The following ADRA1D variants were observed in gnomAD, a reference collection of about 807,000 sequenced individuals.
ADRA1D encodes alpha-1D adrenergic receptor.
In ADRA1D, 22 loss-of-function variants were observed where a neutral mutation model predicts 18.6. The ratio of observed to expected loss-of-function variants is 1.19; its 90% confidence interval spans 0.85 to 1.69. ADRA1D has a LOEUF of 1.69. Among genes scored for constraint, ADRA1D ranks in the 40% most tolerant of loss-of-function variants. The pLI is 0.00. For synonymous variants in ADRA1D, 376 were observed against 388.2 expected (o/e 0.97, Z 0.37); for missense variants, 840 against 840.7 (o/e 1.00, Z 0.01).
intron 1 of ADRA1D, among the ~76,000 whole-genome samples, chr20:4,224,085 T>G (rs552016959): frequency 8.5e-5 from 13 of 152,294 alleles, no homozygotes; most frequent in African/African-American, 2.9e-4. Context: ...GGGAATATCC[T>G]ATAGGATAAA....
chr20:4,223,144 C>T (rs1166838587), intron 1 of ADRA1D, among the ~76,000 whole-genome samples: 3 of 149,836 alleles, frequency 2.0e-5, no homozygotes, highest in Non-Finnish European at 4.4e-5. Flanking sequence ...GATAAAGGTA[C>T]AAAGATAATT....
chr20:4,226,287 C>T (rs1360768479), intron 1 of ADRA1D, among the ~76,000 whole-genome samples: 1 of 152,246 alleles, frequency 6.6e-6, no homozygotes, highest in Admixed American at 6.5e-5. Context: ...AGCCTTTCAG[C>T]CCCAAGGTTT....
chr20:4,243,821 G>A (rs1375040954), intron 1 of ADRA1D, among the ~76,000 whole-genome samples: 1 of 152,174 alleles, frequency 6.6e-6, no homozygotes, highest in East Asian at 1.9e-4. Flanking sequence ...GCGGTCTAAT[G>A]AGCTGGTTGA....
chr20:4,245,990 TG>T (rs1281129950), intron 1 of ADRA1D, among the ~76,000 whole-genome samples: 1 of 152,240 alleles, frequency 6.6e-6, no homozygotes, highest in African/African-American at 2.4e-5. Flanking sequence ...AGTTCCACGA[TG>T]GCCCTATAGA....
At chr20:4,238,700 G>T (rs1392436102) in intron 1 of ADRA1D, among the ~76,000 whole-genome samples, 2 of 152,182 alleles carry the variant, frequency 1.3e-5, no homozygotes. Context: ...TTTCAGAAAT[G>T]CTGTGAGCTC....
chr20:4,221,880 G>C lies in ADRA1D; in HGVS notation c.1362C>G (p.Gly454=). 1.4e-6 allele frequency: 2 copies of C among 1,472,884 alleles called. No individual in the cohort carries two copies. Among genetic ancestry groups the C allele is most frequent in the Non-Finnish European group, 1.8e-6 (2 of 1,120,026 alleles). The allele number at this position is 1,472,884 out of a possible 1,614,324, so 91.2% of individuals were successfully genotyped here. A position where few individuals can be genotyped will look rare whatever the true frequency, so the allele number is the denominator to read the frequency against. The part of the protein sequence containing the change: ...GLRQDCAPSS[G]DAPPGAPLAL... ...CCAGCGGCGCTCCGGGGGGCGCGTC[G>C]CCCGAACTCGGGGCGCAGTCCTGGC... The change falls in exon 2 of 2, where the codon GGC becomes GGG. Residue 454 remains glycine (G), a synonymous_variant. Transcript: ENST00000379453.
chr20:4,246,551 C>CCGTGA (rs1462695068), intron 1 of ADRA1D, among the ~76,000 whole-genome samples: 10 of 152,046 alleles, frequency 6.6e-5, no homozygotes, highest in South Asian at 2.1e-4. Context: ...AGCGGCAAGA[C>CCGTGA]CGTGACGGCA....
chr20:4,248,107 G>A lies in ADRA1D; in HGVS notation c.851C>T (p.Thr284Ile), dbSNP rs745898638. The stretch of plus-strand genomic sequence containing the variant: ...GACGCCCGCCTCGAGGCTGCGCGTG[G>A]TGCTGCGCGCGACCACGTACACGCG... ...YCRVYVVARSTTRSLEAGVKR... is the reference protein window; with the variant it reads ...YCRVYVVARSITRSLEAGVKR... Residue 284 changes from threonine to isoleucine, a missense_variant, in exon 1 of 2, where the codon ACC becomes ATC. Thr to Ile is a moderately conservative substitution (Grantham distance 89). Transcript: ENST00000379453. 4 of 1,558,878 alleles carry A rather than the reference G, an allele frequency of 2.6e-6. No homozygotes were observed. The highest frequency in any genetic ancestry group is 1.2e-5 in the South Asian group (1 of 84,964).
At position 4,247,983 on chromosome 20, in the gene ADRA1D, C is replaced by A. The variant is rs1452131835; in HGVS notation, c.975G>T (p.Lys325Asn). The A allele has an allele frequency of 6.3e-7, 1 of 1,576,216 alleles. No homozygotes were observed. Among genetic ancestry groups the A allele is most frequent in the Non-Finnish European group, 8.6e-7 (1 of 1,162,018 alleles). ...ADGAHGMRSA[K>N]GHTFRSSLSV... is the part of the protein sequence containing the mutation. The stretch of plus-strand genomic sequence containing the variant: ...AGAGCGAGCTGCGGAAGGTGTGGCC[C>A]TTGGCGCTGCGCATGCCGTGCGCCC... The change falls in exon 1 of 2, where the codon AAG becomes AAT. Residue 325 changes from lysine to asparagine, a missense_variant. Physicochemically the swap from Lys to Asn is moderately conservative, Grantham distance 94. Transcript: ENST00000379453.
chr20:4,222,306 TTG>T lies in ADRA1D; in HGVS notation c.1112-178_1112-177del. 1.2e-6 allele frequency: 1 copy of T among 810,726 alleles called. No homozygotes were observed. Among genetic ancestry groups the T allele is most frequent in the Non-Finnish European group, 1.8e-6 (1 of 561,754 alleles). The allele number at this position is 810,726 out of a possible 1,614,324, so 50.2% of individuals were successfully genotyped here. A position where few individuals can be genotyped will look rare whatever the true frequency, so the allele number is the denominator to read the frequency against. ...GAACTTGGATAGAGAAAAATAATAA[TTG>T]TTTTCACTCACCTCTACCTGATATT... is the stretch of plus-strand genomic sequence containing the variant. On this transcript the variant is annotated intron_variant, in intron 1 of 1. Coordinates refer to ENST00000379453, the MANE Select transcript of ADRA1D (RefSeq NM_000678.4). This position sits in a 1 kb window ranked among gnomAD's most constrained non-coding sequence, Gnocchi z 4.3.
At chr20:4,246,007 A>G (rs866064836) in intron 1 of ADRA1D, among the ~76,000 whole-genome samples, 2 of 152,212 alleles carry the variant, frequency 1.3e-5, no homozygotes, top group South Asian at 4.1e-4. Flanking sequence ...ATAGATAGGC[A>G]TGATTACCAT....
intron 1 of ADRA1D, among the ~76,000 whole-genome samples, chr20:4,232,762 A>C (rs1980999865): frequency 6.6e-6 from 1 of 152,128 alleles, no homozygotes; most frequent in East Asian, 1.9e-4. Context: ...AGTCAATGGG[A>C]GCTGCTTCAA....
At chr20:4,229,290 T>C (rs1237543303) in intron 1 of ADRA1D, among the ~76,000 whole-genome samples, 1 of 152,126 alleles carries the variant, frequency 6.6e-6, no homozygotes, top group Non-Finnish European at 1.5e-5. Flanking sequence ...CTAGTGGATC[T>C]CACACTTATC....
chr20:4,240,017 T>C (rs933827858), intron 1 of ADRA1D, among the ~76,000 whole-genome samples: 5 of 152,168 alleles, frequency 3.3e-5, no homozygotes, highest in East Asian at 1.9e-4. Context: ...CACTTTGTAA[T>C]GGACAGAGCA....
intron 1 of ADRA1D, among the ~76,000 whole-genome samples, chr20:4,238,072 A>AC (rs1227230244): frequency 3.8e-4 from 45 of 116,926 alleles, no homozygotes; most frequent in East Asian, 1.0e-3. Flanking sequence ...ACATGGTGAA[A>AC]CCCCCCCCGT....
chr20:4,227,704 C>CTCCCTCCCTCCCTCCTTCCT (rs72545498), intron 1 of ADRA1D, among the ~76,000 whole-genome samples: 3 of 92,542 alleles, frequency 3.2e-5, no homozygotes, highest in African/African-American at 1.4e-4. Context: ...CCCTCCCTCC[C>CTCCCTCCCTCCCTCCTTCCT]TCCTTCCTTC....
At chr20:4,234,640 A>T (rs61759837) in intron 1 of ADRA1D, among the ~76,000 whole-genome samples, 1 of 152,122 alleles carries the variant, frequency 6.6e-6, no homozygotes, top group Non-Finnish European at 1.5e-5. Flanking sequence ...TCAGCTGCTC[A>T]CGCAACGGCC....
intron 1 of ADRA1D, among the ~76,000 whole-genome samples, chr20:4,244,184 G>C (rs73580755): frequency 4.6e-5 from 7 of 152,198 alleles, no homozygotes; most frequent in Non-Finnish European, 8.8e-5. Context: ...CTTTGTGTGC[G>C]GAAGTGTGAG....
At chr20:4,242,916 G>C (rs1175606732) in intron 1 of ADRA1D, among the ~76,000 whole-genome samples, 5 of 148,890 alleles carry the variant, frequency 3.4e-5, no homozygotes, top group African/African-American at 5.0e-5. Context: ...TCCACCTCTG[G>C]GCGTGGCTGG....
Sources: gnomAD v4.1 joint callset for allele counts (sites outside exome capture counted in the v4.1 genomes callset) on GRCh38, gnomAD v4.1.1 for gene constraint, Gnocchi (gnomAD v3.1) non-coding constraint, MANE v1.5 for transcripts, NCBI Gene and HGNC (gene_info 2026-07-23, HGNC 2026-07-21) for gene names.